The following GTF2IRD1 variants were observed in gnomAD, a reference collection of about 807,000 sequenced individuals.
GTF2IRD1 encodes the protein GTF2I repeat domain containing 1.
Under a neutral mutation model 113.2 loss-of-function variants are expected in GTF2IRD1, and 26 were observed. The ratio of observed to expected loss-of-function variants is 0.23; its 90% CI spans 0.17 to 0.32. GTF2IRD1 has a LOEUF of 0.32. GTF2IRD1 is among the 10% of genes least tolerant of loss of function. The pLI is 1.00. For synonymous variants in GTF2IRD1, 484 were observed against 529.1 expected (o/e 0.91, Z 1.17); for missense variants, 864 against 1,280.8 (o/e 0.67, Z 4.97).
intron 22 of GTF2IRD1, among the ~76,000 whole-genome samples, 189 bp downstream of exon 22, chr7:74,559,844 A>T (rs1799843560): frequency 6.6e-6 from 1 of 150,912 alleles, no homozygotes; most frequent in Admixed American, 6.6e-5. Context: ...CAGTGGCTTC[A>T]TCTCGGTTCA....
chr7:74,475,875 TC>T (rs570219634), intron 1 of GTF2IRD1, among the ~76,000 whole-genome samples: 39 of 152,280 alleles, frequency 2.6e-4, no homozygotes, highest in African/African-American at 8.7e-4. Context: ...TGCGGCCTGA[TC>T]CTGCCTGTCT....
intron 22 of GTF2IRD1, among the ~76,000 whole-genome samples, chr7:74,582,408 C>T (rs1482951538): frequency 1.3e-5 from 2 of 152,214 alleles, no homozygotes; most frequent in Non-Finnish European, 2.9e-5. Flanking sequence ...CAGGTGTGCA[C>T]CACCATGCCC....
chr7:74,572,669 A>T (rs1424282432), intron 22 of GTF2IRD1: 2 of 358,188 alleles, frequency 5.6e-6, no homozygotes, highest in Non-Finnish European at 7.8e-6. Flanking sequence ...TCCCTCTCTC[A>T]GCCTTCCCCA....
At chr7:74,545,131 T>C (rs587679503) in intron 15 of GTF2IRD1, among the ~76,000 whole-genome samples, 2 of 152,166 alleles carry the variant, frequency 1.3e-5, no homozygotes, top group Admixed American at 1.3e-4. Flanking sequence ...TCTGAGCAAG[T>C]AGATTAGAGG....
In GTF2IRD1 at chr7:74,519,733, T is replaced by C; in HGVS notation, c.916+14T>C. 1 of 1,536,920 alleles carries C rather than the reference T, an allele frequency of 6.5e-7. No homozygotes were observed. Among genetic ancestry groups the C allele is most frequent in the Non-Finnish European group, 8.8e-7 (1 of 1,135,406 alleles). On this transcript the variant is annotated intron_variant, in intron 6 of 26. Transcript: ENST00000424337. ...CCGACTGTTGTGGTAACATTGCTGC[T>C]GGGATCTCCAAGTCTAGGGGGTGGG...
At chr7:74,564,206 G>C (rs1554359952) in intron 22 of GTF2IRD1, among the ~76,000 whole-genome samples, 1 of 152,122 alleles carries the variant, frequency 6.6e-6, no homozygotes. Context: ...TTTGTATTTT[G>C]AGTAGAGACG....
chr7:74,575,761 G>A (rs587675291), intron 22 of GTF2IRD1, among the ~76,000 whole-genome samples: 93 of 152,318 alleles, frequency 6.1e-4, no homozygotes, highest in African/African-American at 1.9e-3. Flanking sequence ...AGGAGGTGGC[G>A]GATCAGGCGT....
Position 74,568,504 on chromosome 7 carries a change from T to C in GTF2IRD1, c.2320+8849T>C, listed in dbSNP as rs189647183. ...TCTACTAAAAATACAAAAAATTAGC[T>C]GGGCGTGATGGCGGGCACCTGTAGT... On this transcript the variant is annotated intron_variant, in intron 22 of 26. Transcript: ENST00000424337. Among the ~76,000 whole-genome samples, 694 of 151,930 alleles carry C rather than the reference T, an allele frequency of 4.6e-3. 4 individuals carry two copies. Among genetic ancestry groups the C allele is most frequent in the Non-Finnish European group, 7.1e-3 (480 of 67,934 alleles).
Position 74,519,484 on chromosome 7 carries a change from A to G in GTF2IRD1, c.681A>G (p.Ser227=). Residue 227 remains serine (S), a synonymous_variant, in exon 6 of 27, where the codon TCA becomes TCG. Transcript: ENST00000424337. ...GTGTCTCCCTGATTCCCAAGGGGTC[A>G]CGGGACTGTGGCCTGCATGGCCAGG... The part of the protein sequence containing the change: ...LNGVSLIPKG[S]RDCGLHGQAP... The G allele has an allele frequency of 6.2e-7, 1 of 1,605,962 alleles. No individual in the cohort carries two copies. The highest frequency in any genetic ancestry group is 8.5e-7 in the Non-Finnish European group (1 of 1,176,210).
chr7:74,585,644 G>A lies in GTF2IRD1; in HGVS notation c.2321-4207G>A, dbSNP rs587646152. Among the ~76,000 whole-genome samples the A allele has an allele frequency of 1.6e-4, 24 of 152,140 alleles. No individual in the cohort carries two copies. The East Asian group carries it at 4.7e-3, about 30-fold the overall frequency. On this transcript the variant is annotated intron_variant, in intron 22 of 26. Coordinates refer to ENST00000424337, the MANE Select transcript of GTF2IRD1 (RefSeq NM_005685.4). The stretch of plus-strand genomic sequence containing the variant: ...CGTCTGTAATCCCAGCACTTTGGGA[G>A]GCCGAGGTGGGCGAATCACCTGAGG...
chr7:74,563,390 C>T (rs1368381607), intron 22 of GTF2IRD1, among the ~76,000 whole-genome samples: 1 of 151,716 alleles, frequency 6.6e-6, no homozygotes, highest in Non-Finnish European at 1.5e-5. Flanking sequence ...CCAGCCTGGC[C>T]AACATGGTGA....
chr7:74,579,735 T>C (rs1277510055), intron 22 of GTF2IRD1, among the ~76,000 whole-genome samples: 3 of 152,118 alleles, frequency 2.0e-5, no homozygotes, highest in Admixed American at 6.6e-5. Context: ...TGGGCCACCA[T>C]GCCCAGCTAA....
At chr7:74,524,504 C>T (rs1797483447) in intron 8 of GTF2IRD1, among the ~76,000 whole-genome samples, 1 of 152,118 alleles carries the variant, frequency 6.6e-6, no homozygotes, top group African/African-American at 2.4e-5. Context: ...GTGGGAGGAT[C>T]ACCTGAGGCC....
intron 16 of GTF2IRD1, 62 bp downstream of exon 16, chr7:74,545,871 C>T (rs1167305061): frequency 9.6e-6 from 12 of 1,254,934 alleles, no homozygotes; most frequent in Non-Finnish European, 1.4e-5. Context: ...GCCCTGTTTG[C>T]AGAAGGGCTT....
intron 8 of GTF2IRD1, among the ~76,000 whole-genome samples, chr7:74,524,368 C>T (rs1458686297): frequency 6.6e-6 from 1 of 152,148 alleles, no homozygotes; most frequent in African/African-American, 2.4e-5. Flanking sequence ...GGGGGCGGAA[C>T]TGATGGCAAA....
chr7:74,474,316 C>A (rs1554333099), intron 1 of GTF2IRD1, among the ~76,000 whole-genome samples: 1 of 152,258 alleles, frequency 6.6e-6, no homozygotes. Flanking sequence ...GCAGGAAGCC[C>A]ACCTCAGGTC....
At chr7:74,594,676 G>T (rs1177325550) in intron 24 of GTF2IRD1, among the ~76,000 whole-genome samples, 3 of 152,156 alleles carry the variant, frequency 2.0e-5, no homozygotes, top group African/African-American at 7.2e-5. Flanking sequence ...GGATTCTCCG[G>T]GCGCGATGGC....
intron 11 of GTF2IRD1, 100 bp downstream of exon 11, chr7:74,536,375 C>T: frequency 1.5e-6 from 1 of 674,074 alleles, no homozygotes; most frequent in Admixed American, 2.5e-5. Context: ...TCCCACCACA[C>T]CACCACCCCT....
chr7:74,593,084 T>C (rs1554370389), intron 24 of GTF2IRD1, among the ~76,000 whole-genome samples: 1 of 151,764 alleles, frequency 6.6e-6, no homozygotes, highest in African/African-American at 2.4e-5. Context: ...CTGGAACTCC[T>C]GACCTTAAGT....
Sources: gnomAD v4.1 joint callset for allele counts (sites outside exome capture counted in the v4.1 genomes callset) on GRCh38, gnomAD v4.1.1 for gene constraint, MANE v1.5 for transcripts, NCBI Gene and HGNC (gene_info 2026-07-23, HGNC 2026-07-21) for gene names.